The following MCTP1 variants were observed in gnomAD, a reference collection of about 807,000 sequenced individuals.
The protein encoded by MCTP1 is multiple C2 and transmembrane domain-containing protein 1.
In MCTP1, 69 loss-of-function variants were observed where a neutral mutation model predicts 120.6. The ratio of observed to expected loss-of-function variants is 0.57; its 90% confidence interval spans 0.47 to 0.70. MCTP1 has a LOEUF of 0.70. Ranked by LOEUF, MCTP1 falls within the 30% of genes least tolerant of loss-of-function variation. MCTP1 has a pLI of 0.00. For synonymous variants in MCTP1, 529 were observed against 493.1 expected (o/e 1.07, Z -0.96); for missense variants, 1,203 against 1,248.8 (o/e 0.96, Z 0.55).
chr5:94,740,732 A>G (rs868455932), intron 19 of MCTP1, among the ~76,000 whole-genome samples: 2 of 152,204 alleles, frequency 1.3e-5, no homozygotes, highest in Admixed American at 6.5e-5. Flanking sequence ...CTGTGTGCAG[A>G]GTATAGCAGG....
At chr5:94,884,791 A>T (rs567208199) in intron 12 of MCTP1, among the ~76,000 whole-genome samples, 1 of 152,068 alleles carries the variant, frequency 6.6e-6, no homozygotes, top group South Asian at 2.1e-4. Context: ...AGATAATAAG[A>T]CTCTCACGGA....
chr5:95,273,493 G>A lies in MCTP1; in HGVS notation c.720+10363C>T, dbSNP rs578096208. Reference sequence around the variant, plus strand: ...TTTCTCCAAATATGTAGCCACCCTGGCATCAAGCACCATAAAGATTCAGCT... The same window carrying A: ...TTTCTCCAAATATGTAGCCACCCTGACATCAAGCACCATAAAGATTCAGCT... On this transcript the variant is annotated intron_variant, in intron 1 of 22. Transcript: ENST00000515393. Among the ~76,000 whole-genome samples the A allele has an allele frequency of 3.9e-5, 6 of 152,284 alleles. No individual in the cohort carries two copies. The East Asian group carries it at 1.2e-3, about 29-fold the overall frequency.
At chr5:95,191,830 C>G (rs1650852333) in intron 1 of MCTP1, among the ~76,000 whole-genome samples, 1 of 151,906 alleles carries the variant, frequency 6.6e-6, no homozygotes, top group African/African-American at 2.4e-5. Context: ...CAATATTTTC[C>G]TAGGCTAAAA....
At position 95,209,093 on chromosome 5, in the gene MCTP1, C is replaced by T. The variant is rs187208501; in HGVS notation, c.720+74763G>A. Among the ~76,000 whole-genome samples, 59 of 152,306 alleles carry T rather than the reference C, an allele frequency of 3.9e-4. 1 individual carries two copies. Among genetic ancestry groups the T allele is most frequent in the East Asian group, 3.3e-3 (17 of 5,190 alleles). On this transcript the variant is annotated intron_variant, in intron 1 of 22. Coordinates refer to ENST00000515393, the MANE Select transcript of MCTP1 (RefSeq NM_024717.7). Reference sequence around the variant, plus strand: ...CTTGAGCTTGATTTCCCCACAAGAACATCCCACTAATCCCATATAGCATGA... The same window carrying T: ...CTTGAGCTTGATTTCCCCACAAGAATATCCCACTAATCCCATATAGCATGA...
At chr5:95,081,562 C>A in intron 1 of MCTP1, 1 of 1,521,210 alleles carries the variant, frequency 6.6e-7, no homozygotes, top group South Asian at 1.3e-5. Flanking sequence ...CACTGAATAC[C>A]GGCAAAAGAG....
intron 1 of MCTP1, among the ~76,000 whole-genome samples, chr5:95,267,072 A>G (rs188823572): frequency 1.3e-5 from 2 of 152,354 alleles, no homozygotes; most frequent in African/African-American, 4.8e-5. Flanking sequence ...TATACATGGA[A>G]ATATAAAATT....
intron 1 of MCTP1, among the ~76,000 whole-genome samples, chr5:95,194,981 G>A (rs1750221410): frequency 6.6e-6 from 1 of 152,196 alleles, no homozygotes; most frequent in South Asian, 2.1e-4. Context: ...TTTCAGAGAA[G>A]GTTCCAAATA....
At chr5:94,840,054 T>C (rs1790662555) in intron 17 of MCTP1, among the ~76,000 whole-genome samples, 1 of 152,166 alleles carries the variant, frequency 6.6e-6, no homozygotes, top group Non-Finnish European at 1.5e-5. Context: ...CAGTTGCATG[T>C]GACACCACAG....
chr5:95,115,589 A>C (rs2152396342), intron 1 of MCTP1, among the ~76,000 whole-genome samples: 1 of 152,208 alleles, frequency 6.6e-6, no homozygotes, highest in African/African-American at 2.4e-5. Context: ...GTCAGAGGAG[A>C]CAAAAGAAAA....
intron 1 of MCTP1, among the ~76,000 whole-genome samples, chr5:95,216,223 T>C (rs1753016087): frequency 6.6e-6 from 1 of 152,222 alleles, no homozygotes; most frequent in Non-Finnish European, 1.5e-5. Flanking sequence ...GTCTTGACTT[T>C]GGAAATGCCT....
chr5:95,184,706 T>G (rs1048438295), intron 1 of MCTP1, among the ~76,000 whole-genome samples: 5 of 152,280 alleles, frequency 3.3e-5, no homozygotes, highest in Admixed American at 1.3e-4. Context: ...TCCAAAAGTC[T>G]GAACCTCCCC....
At chr5:94,795,781 A>G (rs1161662207) in intron 18 of MCTP1, among the ~76,000 whole-genome samples, 2 of 152,208 alleles carry the variant, frequency 1.3e-5, no homozygotes, top group African/African-American at 4.8e-5. Flanking sequence ...ATTTTTAACC[A>G]CGCCTCTTTC....
At chr5:94,856,404 TAAAA>T (rs1019836458) in intron 17 of MCTP1, among the ~76,000 whole-genome samples, 1 of 151,706 alleles carries the variant, frequency 6.6e-6, no homozygotes, top group South Asian at 2.1e-4. Context: ...ACAAACACAA[TAAAA>T]AAAATCTCTT....
At chr5:94,894,943 A>G in intron 10 of MCTP1, 108 bp from the exon 11 acceptor site, 1 of 680,354 alleles carries the variant, frequency 1.5e-6, no homozygotes, top group Non-Finnish European at 2.3e-6. Flanking sequence ...TATTATTTGG[A>G]CCATTGGAAG....
In MCTP1 at chr5:95,199,100, A is replaced by C. The variant is rs1195160415; in HGVS notation, c.720+84756T>G. Reference sequence around the variant, plus strand: ...ATTAACATAATGTGGCATTTTAGGGACAGCTTCCTAAGCTTTCATTAGCCA... The same window carrying C: ...ATTAACATAATGTGGCATTTTAGGGCCAGCTTCCTAAGCTTTCATTAGCCA... On this transcript the variant is annotated intron_variant, in intron 1 of 22. Coordinates refer to ENST00000515393, the MANE Select transcript of MCTP1 (RefSeq NM_024717.7). Among the ~76,000 whole-genome samples the C allele has an allele frequency of 2.0e-5, 3 of 152,210 alleles. No individual in the cohort carries two copies. In the East Asian group the frequency reaches 5.8e-4, roughly 29 times the overall value.
chr5:95,179,503 G>C (rs1748375873), intron 1 of MCTP1, among the ~76,000 whole-genome samples: 1 of 152,182 alleles, frequency 6.6e-6, no homozygotes, highest in African/African-American at 2.4e-5. Context: ...ATACAAGCTA[G>C]AGTAATTGGG....
chr5:94,764,828 CAAAAAAAA>C (rs57246943), intron 19 of MCTP1, among the ~76,000 whole-genome samples: 11 of 90,972 alleles, frequency 1.2e-4, no homozygotes, highest in East Asian at 3.1e-4. Context: ...TGACCTGGAC[CAAAAAAAA>C]AAAAAAAAAA....
chr5:94,729,558 C>T (rs890052501), intron 19 of MCTP1, among the ~76,000 whole-genome samples: 1 of 152,108 alleles, frequency 6.6e-6, no homozygotes, highest in Non-Finnish European at 1.5e-5. Flanking sequence ...CTCCCATTGG[C>T]CAAATCCCCA....
chr5:94,707,716 A>G (rs1755053732), intron 22 of MCTP1, 149 bp from the exon 23 acceptor site: 1 of 638,582 alleles, frequency 1.6e-6, no homozygotes, highest in Non-Finnish European at 2.8e-6. Flanking sequence ...GCAGAAAGCA[A>G]TAGAATGACA....
Sources: gnomAD v4.1 joint callset for allele counts (sites outside exome capture counted in the v4.1 genomes callset) on GRCh38, gnomAD v4.1.1 for gene constraint, MANE v1.5 for transcripts, NCBI Gene and HGNC (gene_info 2026-07-23, HGNC 2026-07-21) for gene names.